Variants in RIMS2 observed in about 807,000 individuals in gnomAD.
RIMS2 encodes the protein regulating synaptic membrane exocytosis protein 2.
Under a neutral mutation model 174.4 loss-of-function variants are expected in RIMS2, and 59 were observed. The observed-to-expected ratio is 0.34, with a 90% CI of 0.27 to 0.42. The LOEUF (loss-of-function observed/expected upper bound fraction) is 0.42, where lower values mean the gene tolerates loss of function less well. Ranked by LOEUF, RIMS2 falls within the 10% of genes least tolerant of loss-of-function variation. The pLI is 1.00. For synonymous variants in RIMS2, 606 were observed against 572.5 expected, an observed-to-expected ratio of 1.06 and a Z score of -0.84; for missense variants, 1,620 against 1,666.3, an observed-to-expected ratio of 0.97 and a Z score of 0.48.
At chr8:103,885,229 G>C in intron 3 of RIMS2, 69 bp from the exon 7 acceptor site, 1 of 1,467,096 alleles carries the variant, frequency 6.8e-7, no homozygotes, top group Non-Finnish European at 9.0e-7. Context: ...CAACCTGCCA[G>C]CAAATCAATG....
chr8:103,890,396 TG>T (rs1209289712), intron 4 of RIMS2, among the ~76,000 whole-genome samples: 2 of 152,062 alleles, frequency 1.3e-5, no homozygotes, highest in African/African-American at 4.8e-5. Flanking sequence ...GGTGTTGGAT[TG>T]GATCCAGTGG....
intron 19 of RIMS2, among the ~76,000 whole-genome samples, chr8:104,135,317 C>G (rs2098509415): frequency 1.3e-5 from 2 of 151,952 alleles, no homozygotes; most frequent in African/African-American, 4.8e-5. Context: ...CTGATATGGG[C>G]CAGGCATGGT....
intron 3 of RIMS2, among the ~76,000 whole-genome samples, chr8:103,787,752 G>T (rs200771748): frequency 6.6e-6 from 1 of 152,052 alleles, no homozygotes; most frequent in East Asian, 1.9e-4. Flanking sequence ...TATGTTCTTG[G>T]AGTTGCTCTT....
intron 19 of RIMS2, among the ~76,000 whole-genome samples, chr8:104,206,019 G>A (rs1587366222): frequency 6.6e-6 from 1 of 152,162 alleles, no homozygotes; most frequent in Non-Finnish European, 1.5e-5. Flanking sequence ...GCCTCCCAAA[G>A]TGTTGGGATT....
At chr8:103,641,908 C>T (rs796599508) in intron 1 of RIMS2, among the ~76,000 whole-genome samples, 24 of 152,142 alleles carry the variant, frequency 1.6e-4, no homozygotes, top group African/African-American at 5.1e-4. Flanking sequence ...GCCAAATAAA[C>T]GTTTGTTCTT....
In RIMS2 at chr8:103,704,095, C is replaced by T. The variant is rs192520904; in HGVS notation, c.387+6799C>T. On this transcript the variant is annotated intron_variant, in intron 2 of 23. Coordinates refer to ENST00000504942, the Ensembl canonical transcript of RIMS2. ...AGAGGAAAGACTTTTAATTCTTTCC[C>T]TTCCATATGGTGCTAGCTGTAGGTT... Among the ~76,000 whole-genome samples the T allele has an allele frequency of 2.0e-3, 305 of 150,888 alleles. 1 individual carries two copies. Among genetic ancestry groups the T allele is most frequent in the Non-Finnish European group, 3.7e-3 (249 of 67,732 alleles).
intron 17 of RIMS2, among the ~76,000 whole-genome samples, chr8:104,000,354 A>T (rs771776592): frequency 2.0e-5 from 3 of 151,484 alleles, no homozygotes; most frequent in South Asian, 2.1e-4. Context: ...CTCCATTTTC[A>T]TTCTTCTTGC....
rs190546454 is a variant in RIMS2, at chr8:104,190,738, G to A, written c.3335-54178G>A. ...ATGCATTTTTTTTGGCAGCCTATGA[G>A]CATATTGACCTTTTGGGTAACTACT... On this transcript the variant is annotated intron_variant, in intron 19 of 23. Coordinates refer to ENST00000504942, the Ensembl canonical transcript of RIMS2. Among the ~76,000 whole-genome samples, 445 of 152,124 alleles carry A rather than the reference G, an allele frequency of 2.9e-3. 3 individuals are homozygous for A. The highest frequency in any genetic ancestry group is 9.0e-3 in the African/African-American group (373 of 41,508).
intron 19 of RIMS2, among the ~76,000 whole-genome samples, chr8:104,030,931 T>C (rs1555159372): frequency 6.6e-6 from 1 of 152,140 alleles, no homozygotes; most frequent in Non-Finnish European, 1.5e-5. Flanking sequence ...TGTATGGGGT[T>C]TTGCCTGTTT....
intron 3 of RIMS2, among the ~76,000 whole-genome samples, chr8:103,811,995 T>C (rs2098690571): frequency 6.6e-6 from 1 of 152,202 alleles, no homozygotes; most frequent in African/African-American, 2.4e-5. Flanking sequence ...ACTGTTGTGT[T>C]ATTAGTCTGT....
chr8:103,508,492 A>T (rs1223673475), intron 1 of RIMS2, among the ~76,000 whole-genome samples: 9 of 151,176 alleles, frequency 6.0e-5, no homozygotes, highest in African/African-American at 1.9e-4. Flanking sequence ...GATGCAGGAC[A>T]TGGTCAAGAA....
chr8:103,752,975 A>T (rs1275069368), intron 2 of RIMS2, among the ~76,000 whole-genome samples: 1 of 151,878 alleles, frequency 6.6e-6, no homozygotes, highest in East Asian at 1.9e-4. Context: ...CACTATGTTG[A>T]ATAGGAGTGG....
At chr8:103,905,783 T>A (rs1565226029) in intron 4 of RIMS2, among the ~76,000 whole-genome samples, 1 of 151,150 alleles carries the variant, frequency 6.6e-6, no homozygotes. Context: ...TTCTTTTTTT[T>A]TTTTTTCTGT....
At chr8:104,153,687 T>C (rs547997090) in intron 19 of RIMS2, among the ~76,000 whole-genome samples, 2 of 152,090 alleles carry the variant, frequency 1.3e-5, no homozygotes, top group South Asian at 4.1e-4. Context: ...ATATGGTAAC[T>C]TGAATCAAGA....
chr8:104,241,597 G>T (rs753949660), intron 19 of RIMS2, among the ~76,000 whole-genome samples: 1 of 151,956 alleles, frequency 6.6e-6, no homozygotes, highest in Admixed American at 6.6e-5. Flanking sequence ...TTTCTTGTAC[G>T]TATCCTCATT....
At chr8:103,666,189 A>G (rs949236840) in intron 1 of RIMS2, among the ~76,000 whole-genome samples, 3 of 152,182 alleles carry the variant, frequency 2.0e-5, no homozygotes, top group African/African-American at 7.2e-5. Context: ...GAATAGCTGG[A>G]TGTGTTGCAG....
At chr8:104,089,282 A>G (rs1467772197) in intron 19 of RIMS2, among the ~76,000 whole-genome samples, 1 of 151,972 alleles carries the variant, frequency 6.6e-6, no homozygotes, top group Non-Finnish European at 1.5e-5. Context: ...AAATAAATTT[A>G]CTTACTCACA....
chr8:104,006,349 G>C (rs1261981098), intron 17 of RIMS2, among the ~76,000 whole-genome samples: 2 of 152,034 alleles, frequency 1.3e-5, no homozygotes, highest in African/African-American at 4.8e-5. Flanking sequence ...TCGGGAGTTT[G>C]AGACCAGCCT....
intron 3 of RIMS2, among the ~76,000 whole-genome samples, chr8:103,857,673 C>G (rs1388227043): frequency 6.6e-6 from 1 of 152,114 alleles, no homozygotes; most frequent in Non-Finnish European, 1.5e-5. Context: ...TTATTATATT[C>G]TAATCAATTT....
Sources: gnomAD v4.1 joint callset for allele counts (sites outside exome capture counted in the v4.1 genomes callset) on GRCh38, gnomAD v4.1.1 for gene constraint, MANE v1.5 for transcripts, NCBI Gene and HGNC (gene_info 2026-07-23, HGNC 2026-07-21) for gene names.